Variants in TPT1 observed in about 807,000 individuals in gnomAD.
TPT1 encodes translationally-controlled tumor protein.
In TPT1, 5 loss-of-function variants were observed where a neutral mutation model predicts 22.8. That is an observed-to-expected ratio of 0.22 (90% CI 0.11 to 0.46). The LOEUF (loss-of-function observed/expected upper bound fraction) is 0.46, where lower values mean the gene tolerates loss of function less well. TPT1 is among the 20% of genes least tolerant of loss of function. The pLI, the probability that TPT1 is intolerant of heterozygous loss-of-function variation, is 0.99. For synonymous variants in TPT1, 89 were observed against 73.6 expected (o/e 1.21, Z -1.07); for missense variants, 130 against 218.7 (o/e 0.59, Z 2.56).
At chr13:45,341,015 A>G (rs762231328) in intron 1 of TPT1, 27 bp downstream of exon 1, 2 of 1,601,154 alleles carry the variant, frequency 1.2e-6, no homozygotes. Flanking sequence ...CGTGTGCGGC[A>G]GTAAGGATAG....
chr13:45,340,652 C>T, intron 2 of TPT1, 60 bp downstream of exon 2: 1 of 1,524,170 alleles, frequency 6.6e-7, no homozygotes, highest in South Asian at 1.2e-5. Context: ...GGCGGGGGAG[C>T]GGAGGAAACC....
At chr13:45,337,771 A>G (rs532355566) in intron 5 of TPT1, among the ~76,000 whole-genome samples, 67 of 152,300 alleles carry the variant, frequency 4.4e-4, no homozygotes, top group African/African-American at 1.6e-3. Context: ...GTTGACTCTA[A>G]TCTTGTTCAG....
intron 1 of TPT1, 123 bp from the exon 2 acceptor site, chr13:45,340,908 C>A: frequency 6.7e-7 from 1 of 1,503,414 alleles, no homozygotes; most frequent in South Asian, 1.3e-5. Context: ...GGCGCGAGCC[C>A]CGGGCACCGA....
At chr13:45,338,601 A>G (rs1419820400) in intron 5 of TPT1, 59 bp downstream of exon 5, 1 of 1,586,350 alleles carries the variant, frequency 6.3e-7, no homozygotes, top group Non-Finnish European at 8.6e-7. Flanking sequence ...AACAATTGCA[A>G]ATCACATCTA....
At chr13:45,339,344 A>C (rs1253964056) in intron 4 of TPT1, 153 bp downstream of exon 4, 1 of 560,516 alleles carries the variant, frequency 1.8e-6, no homozygotes, top group Non-Finnish European at 3.0e-6. Context: ...GCAAATTTTC[A>C]ATCAGAAGAC....
chr13:45,335,756 A>C lies in TPT1; in HGVS notation c.*1630T>G, dbSNP rs578107470. On this transcript the variant is annotated 3_prime_UTR_variant, in exon 6 of 6. Transcript: ENST00000530705. ...ATGGCATGACCCCATCCCTACAAAA[A>C]ATCTATCAGAATGCTTAAAATTGCT... 1.3e-5 allele frequency: 2 copies of C among 152,326 alleles called. No homozygotes were observed. The highest frequency in any genetic ancestry group is 4.1e-4 in the South Asian group (2 of 4,830). 9.4% of individuals were successfully genotyped at this position (152,326 alleles called of 1,614,324 possible).
chr13:45,340,184 T>C lies in TPT1; in HGVS notation c.103A>G (p.Met35Val). The C allele has an allele frequency of 6.2e-7, 1 of 1,608,020 alleles. No individual in the cohort carries two copies. The highest frequency in any genetic ancestry group is 8.5e-7 in the Non-Finnish European group (1 of 1,176,922). ...ATGTTACCTTCTGTCCTACTGACCA[T>C]CTGCATTAAGAAAAAGCAGTATAAT... is the stretch of plus-strand genomic sequence containing the variant. ...DGLCLEVEGK[M>V]VSRTEGNIDD... The change falls in exon 3 of 6, where the codon ATG (methionine) becomes GTG (valine). Residue 35 changes from methionine (M) to valine (V), a missense_variant and splice_region_variant. Met to Val is a conservative substitution (Grantham distance 21). Transcript: ENST00000530705.
chr13:45,337,932 C>T (rs1325783824), intron 5 of TPT1, among the ~76,000 whole-genome samples: 1 of 152,164 alleles, frequency 6.6e-6, no homozygotes, highest in East Asian at 1.9e-4. Flanking sequence ...ACCAGTTCAG[C>T]AGTCAGCTCT....
chr13:45,338,648 C>T lies in TPT1; in HGVS notation c.516+12G>A. 1 of 1,610,238 alleles carries T rather than the reference C, an allele frequency of 6.2e-7. No individual in the cohort carries two copies. The stretch of plus-strand genomic sequence containing the variant: ...TTACATTATTTATTTTAACCCACTT[C>T]CTTGTACTTACACATTTTTCCATTT... On this transcript the variant is annotated intron_variant, in intron 5 of 5. Coordinates refer to ENST00000530705, the MANE Select transcript of TPT1 (RefSeq NM_003295.4).
chr13:45,340,292 A>G lies in TPT1; in HGVS notation c.103-108T>C, dbSNP rs1879003880. 38 of 1,356,062 alleles carry G rather than the reference A, an allele frequency of 2.8e-5. 1 individual carries two copies. The South Asian group carries it at 3.2e-4, about 12-fold the overall frequency. The allele number at this position is 1,356,062 out of a possible 1,614,324, so 84.0% of individuals were successfully genotyped here. A position where few individuals can be genotyped will look rare whatever the true frequency, so the allele number is the denominator to read the frequency against. On this transcript the variant is annotated intron_variant, in intron 2 of 5. Coordinates refer to ENST00000530705, the MANE Select transcript of TPT1 (RefSeq NM_003295.4). ...AGTATTCTTAGTTCTTGCTGAAAAT[A>G]AAAAAAGCACCATTTTGGGAATAAA...
rs570367528 is a variant in TPT1, at chr13:45,340,245, C to A, written c.103-61G>T. Reference sequence around the variant, plus strand: ...ACAAACGCATCCAAAGCACCTTCCACGCCAATAGTTCACGGATAAGAAGTA... The same window carrying A: ...ACAAACGCATCCAAAGCACCTTCCAAGCCAATAGTTCACGGATAAGAAGTA... On this transcript the variant is annotated intron_variant, in intron 2 of 5. Coordinates refer to ENST00000530705, the MANE Select transcript of TPT1 (RefSeq NM_003295.4). 3.7e-4 allele frequency: 567 copies of A among 1,539,284 alleles called. 1 individual carries two copies. In the Middle Eastern group the frequency reaches 5.2e-3, roughly 14 times the overall value.
chr13:45,340,835 T>G (rs1879066362), intron 1 of TPT1, 50 bp from the exon 2 acceptor site: 3 of 1,486,506 alleles, frequency 2.0e-6, no homozygotes, highest in Non-Finnish European at 2.7e-6. Context: ...CGCCGCCATT[T>G]CCCGCATTTC....
At chr13:45,340,622 G>A (rs1228546891) in intron 2 of TPT1, 90 bp downstream of exon 2, 3 of 1,406,888 alleles carry the variant, frequency 2.1e-6, no homozygotes, top group Non-Finnish European at 9.8e-7. Context: ...GGAGGCGGCG[G>A]GGAGGATTGC....
At chr13:45,338,601 A>C (rs1419820400) in intron 5 of TPT1, 59 bp downstream of exon 5, 1 of 1,586,350 alleles carries the variant, frequency 6.3e-7, no homozygotes, top group Non-Finnish European at 8.6e-7. Context: ...AACAATTGCA[A>C]ATCACATCTA....
Position 45,336,722 on chromosome 13 carries a change from A to G in TPT1, c.*664T>C, listed in dbSNP as rs1878726178. The G allele has an allele frequency of 6.6e-6, 1 of 152,450 alleles. No homozygotes were observed. The highest frequency in any genetic ancestry group is 2.4e-5 in the African/African-American group (1 of 41,590). The allele number at this position is 152,450 out of a possible 1,614,324, so 9.4% of individuals were successfully genotyped here. ...TATTCTTTTCCCCTCAACCATTTAAAAAGGCAACCAACCACCTTAAAGTGT... is the reference window on the plus strand; with the variant it reads ...TATTCTTTTCCCCTCAACCATTTAAGAAGGCAACCAACCACCTTAAAGTGT... On this transcript the variant is annotated 3_prime_UTR_variant, in exon 6 of 6. Transcript: ENST00000530705.
chr13:45,339,838 T>G (rs766785362), intron 3 of TPT1, 156 bp downstream of exon 3: 40 of 866,192 alleles, frequency 4.6e-5, no homozygotes, highest in Non-Finnish European at 6.6e-5. Context: ...TATGCTCATA[T>G]TATAGAAAAG....
intron 1 of TPT1, 95 bp from the exon 2 acceptor site, chr13:45,340,880 C>G (rs930035124): frequency 1.5e-5 from 22 of 1,463,730 alleles, no homozygotes; most frequent in Non-Finnish European, 1.9e-5. Flanking sequence ...TCTGCCCCTC[C>G]GTAGCACACC....
intron 5 of TPT1, chr13:45,337,744 A>T: frequency 1.6e-6 from 1 of 609,088 alleles, no homozygotes; most frequent in South Asian, 2.0e-5. Context: ...TACTGTTCTA[A>T]GTAATTTCTG....
rs531614829 is a variant in TPT1, at chr13:45,337,186, A to C, written c.*200T>G. ...AAGGCATTCTCTCAAATGAGTTTAA[A>C]TGCATTTTATTTTTAGACAACCTAC... On this transcript the variant is annotated 3_prime_UTR_variant, in exon 6 of 6. Transcript: ENST00000530705. The C allele has an allele frequency of 6.6e-5, 41 of 620,110 alleles. No individual in the cohort carries two copies. The highest frequency in any genetic ancestry group is 4.2e-4 in the Admixed American group (14 of 33,606). 38.4% of individuals were successfully genotyped at this position (620,110 alleles called of 1,614,324 possible).
Sources: allele counts gnomAD v4.1 joint callset (sites outside exome capture counted in the v4.1 genomes callset), GRCh38; gene constraint gnomAD v4.1.1; transcripts MANE v1.5; gene names NCBI Gene and HGNC (gene_info 2026-07-23, HGNC 2026-07-21).